The following PTK2 variants were observed in gnomAD, a reference collection of about 807,000 sequenced individuals.
The protein encoded by PTK2 is protein tyrosine kinase 2, also known as focal adhesion kinase 1.
A neutral mutation model predicts 150.1 loss-of-function variants in PTK2; 45 were observed. That is an observed-to-expected ratio of 0.30 (90% CI 0.24 to 0.38). The LOEUF (loss-of-function observed/expected upper bound fraction) is 0.38, where lower values mean the gene tolerates loss of function less well. Among genes scored for constraint, PTK2 ranks in the 10% least tolerant of loss-of-function variants. The probability of loss-of-function intolerance (pLI) is 1.00; values close to 1 mark genes in which losing one functional copy is unlikely to be tolerated. For missense variants in PTK2, 919 were observed against 1,307.3 expected (o/e 0.70, Z 4.58); for synonymous variants, 432 against 449.2 (o/e 0.96, Z 0.48).
intron 8 of PTK2, among the ~76,000 whole-genome samples, chr8:140,823,519 C>T (rs917970892): frequency 5.3e-5 from 8 of 152,064 alleles, no homozygotes; most frequent in Non-Finnish European, 8.8e-5. Context: ...CTGACAGTTC[C>T]ACTGCAGTTT....
Position 140,885,997 on chromosome 8 carries a change from A to G in PTK2, c.195+4546T>C, listed in dbSNP as rs985060554. ...AAGATGTCAGTTAGGATACCATGCCATAATGTATGGAAGAGACATTTTAAG... is the reference window on the plus strand; with the variant it reads ...AAGATGTCAGTTAGGATACCATGCCGTAATGTATGGAAGAGACATTTTAAG... On this transcript the variant is annotated intron_variant, in intron 3 of 31. Coordinates refer to ENST00000522684, the Ensembl canonical transcript of PTK2. Among the ~76,000 whole-genome samples, 24 of 152,204 alleles carry G rather than the reference A, an allele frequency of 1.6e-4. 1 individual carries two copies. The highest frequency in any genetic ancestry group is 1.0e-4 in the Non-Finnish European group (7 of 68,032).
At chr8:140,935,702 C>CTTTTTTTTT (rs34554819) in intron 1 of PTK2, among the ~76,000 whole-genome samples, 43,593 of 120,896 alleles carry the variant, frequency 0.36, 8,443 homozygotes, top group South Asian at 0.47. Flanking sequence ...ATGTCCTCAT[C>CTTTTTTTTT]TTTTTTTTTT....
In PTK2 at chr8:140,738,451, G is replaced by A. The variant is rs557808744; in HGVS notation, c.1825+567C>T. On this transcript the variant is annotated intron_variant, in intron 21 of 31. Transcript: ENST00000522684. ...ACTTCTACACCAGCTAGAAGGAACTGCAATAACCATAGAGCAGGAGAATGA... is the reference window on the plus strand; with the variant it reads ...ACTTCTACACCAGCTAGAAGGAACTACAATAACCATAGAGCAGGAGAATGA... 3.9e-5 allele frequency among the ~76,000 whole-genome samples: 6 copies of A among 152,322 alleles called. No individual in the cohort carries two copies. The South Asian group carries it at 1.0e-3, about 26-fold the overall frequency.
At chr8:140,949,628 C>T (rs542057663) in intron 1 of PTK2, among the ~76,000 whole-genome samples, 2 of 152,358 alleles carry the variant, frequency 1.3e-5, no homozygotes, top group South Asian at 4.1e-4. Flanking sequence ...GCCGCCCTGG[C>T]CCACTCCAGA....
chr8:140,668,289 C>T (rs2093520125), exon 30 of PTK2: 2 of 1,613,986 alleles, frequency 1.2e-6, no homozygotes, highest in Non-Finnish European at 8.5e-7. Flanking sequence ...GGGACATACT[C>T]CTCTGGTGGG....
intron 14 of PTK2, among the ~76,000 whole-genome samples, chr8:140,777,819 T>C (rs973298484): frequency 2.0e-5 from 3 of 152,206 alleles, no homozygotes; most frequent in South Asian, 4.1e-4. Context: ...ATCAGGGTAA[T>C]GCTACCATTT....
chr8:140,904,748 T>C (rs1279384654), intron 2 of PTK2, among the ~76,000 whole-genome samples: 1 of 152,224 alleles, frequency 6.6e-6, no homozygotes, highest in African/African-American at 2.4e-5. Flanking sequence ...TGTCCAGGAA[T>C]GTATCCATTT....
At chr8:140,943,765 C>T (rs1443172542) in intron 1 of PTK2, among the ~76,000 whole-genome samples, 1 of 152,132 alleles carries the variant, frequency 6.6e-6, no homozygotes, top group Non-Finnish European at 1.5e-5. Context: ...TTTTTAACAT[C>T]AGCCATTCTA....
intron 28 of PTK2, among the ~76,000 whole-genome samples, chr8:140,674,827 G>A (rs1269181555): frequency 6.6e-6 from 1 of 151,496 alleles, no homozygotes; most frequent in Non-Finnish European, 1.5e-5. Flanking sequence ...GCGGGCGGAT[G>A]CCTGACCTCA....
chr8:140,838,997 T>C (rs1347688981), intron 7 of PTK2, among the ~76,000 whole-genome samples: 2 of 145,932 alleles, frequency 1.4e-5, no homozygotes, highest in Admixed American at 1.4e-4. Flanking sequence ...AGAGTGAGAC[T>C]CCGTCTCAAA....
Position 140,743,217 on chromosome 8 carries a change from T to C in PTK2, c.1735+13A>G. The C allele has an allele frequency of 6.5e-7, 1 of 1,533,270 alleles. No individual in the cohort carries two copies. Among genetic ancestry groups the C allele is most frequent in the Non-Finnish European group, 9.0e-7 (1 of 1,107,752 alleles). 95.0% of individuals were successfully genotyped at this position (1,533,270 alleles called of 1,614,324 possible). On this transcript the variant is annotated intron_variant, in intron 20 of 31. Transcript: ENST00000522684. ...TCCAAGCCTATTTCTTAGGTACTAC[T>C]CTGATTTCTTACCTTTGTAGTAAGT...
intron 3 of PTK2, among the ~76,000 whole-genome samples, chr8:140,884,146 G>A (rs995101088): frequency 5.9e-5 from 9 of 152,226 alleles, no homozygotes; most frequent in East Asian, 3.9e-4. Flanking sequence ...CTCTGGCCAC[G>A]TAAGGGGACA....
intron 13 of PTK2, among the ~76,000 whole-genome samples, chr8:140,792,171 CCT>C (rs985348194): frequency 6.6e-6 from 1 of 152,152 alleles, no homozygotes; most frequent in African/African-American, 2.4e-5. Context: ...GCCACCATCC[CCT>C]GACAGGTATG....
chr8:140,755,669 G>A (rs955436730), intron 16 of PTK2, among the ~76,000 whole-genome samples: 2 of 152,014 alleles, frequency 1.3e-5, no homozygotes, highest in African/African-American at 4.8e-5. Context: ...GGGATTTAGC[G>A]TACGTCTTTT....
At chr8:140,928,857 T>C (rs2100170657) in intron 1 of PTK2, among the ~76,000 whole-genome samples, 1 of 151,686 alleles carries the variant, frequency 6.6e-6, no homozygotes. Context: ...GAGATCTGTT[T>C]CACAAAAATG....
At chr8:140,923,078 T>C (rs2100168145) in intron 2 of PTK2, among the ~76,000 whole-genome samples, 1 of 152,200 alleles carries the variant, frequency 6.6e-6, no homozygotes, top group Non-Finnish European at 1.5e-5. Context: ...GATGGGGGCT[T>C]TCTCTCCTAC....
chr8:140,681,511 C>T (rs772005903), intron 27 of PTK2, among the ~76,000 whole-genome samples: 2 of 152,088 alleles, frequency 1.3e-5, no homozygotes, highest in African/African-American at 2.4e-5. Flanking sequence ...GTGGCTCACG[C>T]CTGGAATCCC....
At chr8:140,666,337 C>T (rs1243824846) in intron 30 of PTK2, among the ~76,000 whole-genome samples, 1 of 151,922 alleles carries the variant, frequency 6.6e-6, no homozygotes, top group African/African-American at 2.4e-5. Context: ...CAGAATGAGA[C>T]TCCATCTCAA....
chr8:140,744,787 A>AAC lies in PTK2; in HGVS notation c.1519-21_1519-20insGT. The AAC allele has an allele frequency of 1.3e-5, 18 of 1,359,020 alleles. No individual in the cohort carries two copies. The highest frequency in any genetic ancestry group is 1.7e-5 in the Non-Finnish European group (17 of 978,122). 84.2% of individuals were successfully genotyped at this position (1,359,020 alleles called of 1,614,324 possible). ...CCTCAGCTTTTGGAACAATGACCAAAAGAAAAAAAAAAAAAAAAGAATTAG... is the reference window on the plus strand; with the variant it reads ...CCTCAGCTTTTGGAACAATGACCAAAACAGAAAAAAAAAAAAAAAAGAATTAG... On this transcript the variant is annotated intron_variant, in intron 18 of 31. Transcript: ENST00000522684.
Sources: gnomAD v4.1 joint callset for allele counts (sites outside exome capture counted in the v4.1 genomes callset) on GRCh38, gnomAD v4.1.1 for gene constraint, MANE v1.5 for transcripts, NCBI Gene and HGNC (gene_info 2026-07-23, HGNC 2026-07-21) for gene names.